The following HSPG2 variants were observed in gnomAD, a reference collection of about 807,000 sequenced individuals.
The protein encoded by HSPG2 is basement membrane-specific heparan sulfate proteoglycan core protein.
A neutral mutation model predicts 526.6 loss-of-function variants in HSPG2; 278 were observed. The observed-to-expected ratio is 0.53, with a 90% CI of 0.48 to 0.58. HSPG2 has a LOEUF of 0.58. HSPG2 is among the 20% of genes least tolerant of loss of function. The pLI, the probability that HSPG2 is intolerant of heterozygous loss-of-function variation, is 0.00. For missense variants in HSPG2, 5,354 were observed against 6,099.5 expected (o/e 0.88, Z 4.07); for synonymous variants, 2,465 against 2,555.4 (o/e 0.96, Z 1.07).
chr1:21,835,726 G>A, intron 75 of HSPG2, 89 bp from the exon 76 acceptor site: 1 of 947,312 alleles, frequency 1.1e-6, no homozygotes. Flanking sequence ...GCTCACGCCT[G>A]TAATCCCAGC....
intron 1 of HSPG2, chr1:21,908,480 T>A: frequency 2.3e-6 from 2 of 862,836 alleles, no homozygotes; most frequent in Non-Finnish European, 4.0e-6. Context: ...TGGGTTCAAC[T>A]AAAGCGCCAG....
chr1:21,848,238 G>A lies in HSPG2; in HGVS notation c.7738-145C>T. ...CTTCGTGAAGCTCCCAGCATGGCAT[G>A]TGGCCTGTCTCTGGGCTGGGGTGGA... On this transcript the variant is annotated intron_variant, in intron 59 of 96. Transcript: ENST00000374695. This position sits in a 1 kb window ranked among gnomAD's most constrained non-coding sequence, Gnocchi z 4.9. 2.0e-6 allele frequency: 2 copies of A among 995,966 alleles called. No individual in the cohort carries two copies. The highest frequency in any genetic ancestry group is 1.4e-5 in the South Asian group (1 of 71,206). 61.7% of individuals were successfully genotyped at this position (995,966 alleles called of 1,614,324 possible).
At chr1:21,927,269 GA>G (rs150102838) in intron 1 of HSPG2, among the ~76,000 whole-genome samples, 3,787 of 152,218 alleles carry the variant, frequency 0.025, 156 homozygotes, top group African/African-American at 0.086. Context: ...GCCTGATGGG[GA>G]GGGGGGACAC....
intron 1 of HSPG2, among the ~76,000 whole-genome samples, chr1:21,906,280 G>A (rs1643373538): frequency 2.0e-5 from 3 of 152,176 alleles, no homozygotes; most frequent in African/African-American, 4.8e-5. Flanking sequence ...CCTCGGAGGC[G>A]AGCAGGGGCC....
At position 21,890,326 on chromosome 1, in the gene HSPG2, AT is replaced by A; in HGVS notation, c.413+100del. The stretch of plus-strand genomic sequence containing the variant: ...ATTTCCACCCACAGCGACTCATCCC[AT>A]AGGCCTTTCCGCGGTGCCAGGCTTC... On this transcript the variant is annotated intron_variant, in intron 5 of 96. Coordinates refer to ENST00000374695, the MANE Select transcript of HSPG2 (RefSeq NM_005529.7). The surrounding 1 kb of genome is among the most constrained non-coding windows in gnomAD (Gnocchi z 4.1). 2.3e-6 allele frequency: 3 copies of A among 1,331,528 alleles called. No individual in the cohort carries two copies. The highest frequency in any genetic ancestry group is 3.2e-6 in the Non-Finnish European group (3 of 925,990). 82.5% of individuals were successfully genotyped at this position (1,331,528 alleles called of 1,614,324 possible). A position where few individuals can be genotyped will look rare whatever the true frequency, so the allele number is the denominator to read the frequency against.
chr1:21,932,289 C>T (rs571180740), intron 1 of HSPG2, among the ~76,000 whole-genome samples: 7 of 152,252 alleles, frequency 4.6e-5, no homozygotes, highest in African/African-American at 1.7e-4. Flanking sequence ...CAGTACGTGG[C>T]GTGATTAGGA....
intron 1 of HSPG2, among the ~76,000 whole-genome samples, chr1:21,923,274 G>A (rs1410356439): frequency 6.6e-6 from 1 of 152,098 alleles, no homozygotes; most frequent in East Asian, 1.9e-4. Context: ...GGGCATAATG[G>A]CGGGCGCCTG....
chr1:21,847,901 A>T lies in HSPG2; in HGVS notation c.7873+57T>A. On this transcript the variant is annotated intron_variant, in intron 60 of 96. Coordinates refer to ENST00000374695, the MANE Select transcript of HSPG2 (RefSeq NM_005529.7). This position sits in a 1 kb window ranked among gnomAD's most constrained non-coding sequence, Gnocchi z 4.1. ...TGAGATAACAGTGATGGCACCGGGG[A>T]CCTCTCTGCCACCCTCTGCGCCACT... 1 of 1,613,354 alleles carries T rather than the reference A, an allele frequency of 6.2e-7. No individual in the cohort carries two copies. Among genetic ancestry groups the T allele is most frequent in the Non-Finnish European group, 8.5e-7 (1 of 1,179,914 alleles).
At chr1:21,871,650 C>T (rs1640661653) in intron 33 of HSPG2, among the ~76,000 whole-genome samples, 1 of 152,206 alleles carries the variant, frequency 6.6e-6, no homozygotes, top group African/African-American at 2.4e-5. Context: ...TACCAAGCCC[C>T]TCTTGCCTTA....
At chr1:21,929,085 C>T (rs1569689173) in intron 1 of HSPG2, among the ~76,000 whole-genome samples, 1 of 152,278 alleles carries the variant, frequency 6.6e-6, no homozygotes, top group South Asian at 2.1e-4. Context: ...AATGTGTTCA[C>T]CTACTATCTG....
rs1640153947 is a variant in HSPG2 at position 21,865,472 on chromosome 1, C to G, written c.4315-107G>C. The G allele has an allele frequency of 9.0e-7, 1 of 1,113,140 alleles. No individual in the cohort carries two copies. The highest frequency in any genetic ancestry group is 1.3e-5 in the South Asian group (1 of 79,582). The allele number at this position is 1,113,140 out of a possible 1,614,324, so 69.0% of individuals were successfully genotyped here. A position where few individuals can be genotyped will look rare whatever the true frequency, so the allele number is the denominator to read the frequency against. ...CTGTAACCCCCAGCCTCCCACCTCT[C>G]TGCTCTCCCAAGCTCATGCGCCCAA... On this transcript the variant is annotated intron_variant, in intron 34 of 96. Transcript: ENST00000374695. This position sits in a 1 kb window ranked among gnomAD's most constrained non-coding sequence, Gnocchi z 5.4.
Position 21,876,611 on chromosome 1 carries a change from G to C in HSPG2, c.2727C>G (p.Gly909=). ...GGTTTCGGGTACTCAGGTGGAAAGA[G>C]CCGTCAGCACATTCATTGCACAAGC... ...VGRLCNECAD[G]SFHLSTRNPD... Residue 909 remains glycine (G), a synonymous_variant, in exon 22 of 97, where the codon GGC becomes GGG. Transcript: ENST00000374695. 6.2e-7 allele frequency: 1 copy of C among 1,614,242 alleles called. No homozygotes were observed. Among genetic ancestry groups the C allele is most frequent in the Non-Finnish European group, 8.5e-7 (1 of 1,180,042 alleles).
intron 1 of HSPG2, among the ~76,000 whole-genome samples, chr1:21,920,981 C>A (rs758282462): frequency 1.3e-5 from 2 of 152,184 alleles, no homozygotes; most frequent in Non-Finnish European, 2.9e-5. Flanking sequence ...CCCCAACGGC[C>A]ATTGTCACCC....
At position 21,881,504 on chromosome 1, in the gene HSPG2, T is replaced by C. The variant is rs1271082951; in HGVS notation, c.1655-2A>G. 1 of 1,609,094 alleles carries C rather than the reference T, an allele frequency of 6.2e-7. No homozygotes were observed. Among genetic ancestry groups the C allele is most frequent in the Non-Finnish European group, 8.5e-7 (1 of 1,177,854 alleles). The stretch of plus-strand genomic sequence containing the variant: ...GCGCAGGCATTGTCACATTCACACC[T>C]GTGGGTGGCAAGGGGGAGGCTGAGG... On this transcript the variant is annotated splice_acceptor_variant, in intron 13 of 96. Transcript: ENST00000374695. LOFTEE classifies it high-confidence loss of function.
chr1:21,824,743 T>A lies in HSPG2; in HGVS notation c.12626A>T (p.Asp4209Val). Residue 4209 changes from aspartate to valine, a missense_variant, in exon 92 of 97, where the codon GAT (aspartate) becomes GTT (valine). Asp to Val is a radical substitution (Grantham distance 152). Coordinates refer to ENST00000374695, the MANE Select transcript of HSPG2 (RefSeq NM_005529.7). The surrounding 1 kb of genome is among the most constrained non-coding windows in gnomAD (Gnocchi z 5.9). The stretch of plus-strand genomic sequence containing the variant: ...ATGGCCAGGGAAGGCGAGGAAGCCA[T>A]CATCGTGGAAATAGGCTCCGTACTG... ...PGQYGAYFHD[D>V]GFLAFPGHVF... is the part of the protein sequence containing the mutation. 4 of 1,613,600 alleles carry A rather than the reference T, an allele frequency of 2.5e-6. No individual in the cohort carries two copies. Among genetic ancestry groups the A allele is most frequent in the Non-Finnish European group, 3.4e-6 (4 of 1,179,860 alleles).
Position 21,881,474 on chromosome 1 carries a change from G to A in HSPG2, c.1683C>T (p.Pro561=), listed in dbSNP as rs779806460. The A allele has an allele frequency of 9.9e-6, 16 of 1,612,562 alleles. No individual in the cohort carries two copies. The highest frequency in any genetic ancestry group is 5.0e-5 in the Admixed American group (3 of 60,012). ...GCGTGGAGGAGAGGGGTGGCGTGCC[G>A]GGCTGCGCAGGCATTGTCACATTCA... is the stretch of plus-strand genomic sequence containing the variant. ...KGVNVTMPAQ[P]GTPPLSSTQL... Residue 561 remains proline, a synonymous_variant, in exon 14 of 97, where the codon CCC becomes CCT. Coordinates refer to ENST00000374695, the MANE Select transcript of HSPG2 (RefSeq NM_005529.7).
At chr1:21,825,882 T>A (rs1387662091) in intron 91 of HSPG2, among the ~76,000 whole-genome samples, 1 of 149,148 alleles carries the variant, frequency 6.7e-6, no homozygotes, top group African/African-American at 2.5e-5. Context: ...ACCTCCCAGG[T>A]TCAAGCAATT....
chr1:21,828,202 G>A lies in HSPG2; in HGVS notation c.12410-50C>T. The A allele has an allele frequency of 6.2e-7, 1 of 1,612,852 alleles. No homozygotes were observed. The highest frequency in any genetic ancestry group is 2.2e-5 in the East Asian group (1 of 44,864). On this transcript the variant is annotated intron_variant, in intron 89 of 96. Coordinates refer to ENST00000374695, the MANE Select transcript of HSPG2 (RefSeq NM_005529.7). This position sits in a 1 kb window ranked among gnomAD's most constrained non-coding sequence, Gnocchi z 6.0. ...GGGTGGGTGGGCATGGGCTGGAGGT[G>A]TCGCTGACCACCTGTGCCCCTCCCC...
chr1:21,874,212 G>A (rs1037611207), intron 28 of HSPG2, among the ~76,000 whole-genome samples, 194 bp downstream of exon 28: 2 of 152,214 alleles, frequency 1.3e-5, no homozygotes, highest in Non-Finnish European at 2.9e-5. Flanking sequence ...GCTGAGGAGG[G>A]TGGACTACCC....
Sources: gnomAD v4.1 joint callset for allele counts (sites outside exome capture counted in the v4.1 genomes callset) on GRCh38, gnomAD v4.1.1 for gene constraint, Gnocchi (gnomAD v3.1) non-coding constraint, MANE v1.5 for transcripts, NCBI Gene and HGNC (gene_info 2026-07-23, HGNC 2026-07-21) for gene names.